WNK3: variants seen among roughly 807,000 people sequenced by gnomAD.
WNK3 encodes the protein serine/threonine-protein kinase WNK3.
Under a neutral mutation model 116.7 loss-of-function variants are expected in WNK3, and 18 were observed. That is an observed-to-expected ratio of 0.15 (90% CI 0.11 to 0.23). The LOEUF is 0.23. Among genes scored for constraint, WNK3 ranks in the 10% least tolerant of loss-of-function variants. The pLI, the probability that WNK3 is intolerant of heterozygous loss-of-function variation, is 1.00. For synonymous variants in WNK3, 404 were observed against 469.4 expected (o/e 0.86, Z 1.80); for missense variants, 993 against 1,323.8 (o/e 0.75, Z 3.88).
At chrX:54,263,006 G>C (rs1224462015) in intron 10 of WNK3, among the ~76,000 whole-genome samples, 1 of 109,823 alleles carries the variant, frequency 9.1e-6, no homozygotes, top group Non-Finnish European at 1.9e-5. Flanking sequence ...ATCAATCTTG[G>C]TTATATTCTT....
chrX:54,297,951 T>C (rs2068716427), intron 7 of WNK3, among the ~76,000 whole-genome samples: 1 of 109,960 alleles, frequency 9.1e-6, no homozygotes, highest in South Asian at 4.0e-4. Context: ...CGGGCTCCTG[T>C]AGTCCCAGCT....
intron 1 of WNK3, among the ~76,000 whole-genome samples, chrX:54,354,592 T>C (rs2069567131): frequency 9.0e-6 from 1 of 111,130 alleles, no homozygotes; most frequent in Admixed American, 9.7e-5. Context: ...GCTTAATAGC[T>C]GGGTGATGGG....
chrX:54,264,358 G>A (rs782026748), intron 10 of WNK3, among the ~76,000 whole-genome samples: 1 of 108,784 alleles, frequency 9.2e-6, no homozygotes, highest in East Asian at 2.9e-4. Context: ...AGACATGGGG[G>A]TGTCAGTGTG....
chrX:54,221,223 A>C (rs1210947619), intron 22 of WNK3, among the ~76,000 whole-genome samples: 1 of 112,370 alleles, frequency 8.9e-6, no homozygotes, highest in Non-Finnish European at 1.9e-5. Flanking sequence ...TTTAGGATGA[A>C]ATAAAAGAAT....
chrX:54,208,190 T>C (rs782062427), intron 22 of WNK3, among the ~76,000 whole-genome samples: 3 of 110,664 alleles, frequency 2.7e-5, no homozygotes, highest in African/African-American at 9.8e-5. Flanking sequence ...AGTGGCGCGA[T>C]CTCAGCTCAC....
chrX:54,344,209 C>T (rs1202074895), intron 1 of WNK3, among the ~76,000 whole-genome samples: 7 of 111,734 alleles, frequency 6.3e-5, no homozygotes, highest in Non-Finnish European at 1.1e-4. Flanking sequence ...TTTGGGAGGC[C>T]GAGGCAGGCG....
chrX:54,281,063 T>G (rs2068510558), intron 10 of WNK3, among the ~76,000 whole-genome samples: 1 of 112,289 alleles, frequency 8.9e-6, no homozygotes, highest in African/African-American at 3.2e-5. Flanking sequence ...ATATTCAAGA[T>G]GTACAATGTG....
intron 23 of WNK3, 122 bp downstream of exon 23, chrX:54,201,867 TAA>T (rs2067503892): frequency 3.5e-6 from 2 of 563,566 alleles, no homozygotes. Flanking sequence ...TAAAAAAGGA[TAA>T]AAGTCTCTAT....
intron 5 of WNK3, among the ~76,000 whole-genome samples, chrX:54,302,459 C>T (rs1370033781): frequency 1.8e-5 from 2 of 108,866 alleles, no homozygotes; most frequent in Non-Finnish European, 3.8e-5. Context: ...CCACCAAGCC[C>T]GGCTAATTTT....
At chrX:54,221,633 G>A (rs1326299999) in intron 22 of WNK3, among the ~76,000 whole-genome samples, 1 of 110,808 alleles carries the variant, frequency 9.0e-6, no homozygotes, top group African/African-American at 3.3e-5. Flanking sequence ...AGGAGTTTGA[G>A]ACCAGTCTGG....
chrX:54,237,011 G>T, exon 20 of WNK3: 1 of 1,211,511 alleles, frequency 8.3e-7, no homozygotes, highest in Non-Finnish European at 1.1e-6. Flanking sequence ...CTGCTCATTG[G>T]GGAAGATGGC....
At chrX:54,358,226 A>G (rs1390886657), upstream of WNK3, among the ~76,000 whole-genome samples, 3 of 111,190 alleles carry the variant, frequency 2.7e-5, no homozygotes, top group Non-Finnish European at 1.9e-5. Flanking sequence ...GGAGAGAGGG[A>G]TGCGCGTCGA....
chrX:54,210,150 G>A (rs2067597486), intron 22 of WNK3, among the ~76,000 whole-genome samples: 1 of 111,720 alleles, frequency 9.0e-6, no homozygotes, highest in African/African-American at 3.3e-5. Context: ...AGCACTATTG[G>A]AGCTAGAAAT....
chrX:54,285,465 C>T (rs1397564101), intron 10 of WNK3, among the ~76,000 whole-genome samples: 1 of 112,265 alleles, frequency 8.9e-6, no homozygotes, highest in East Asian at 2.8e-4. Context: ...AGAAAACTCA[C>T]TGGGAAGGGG....
intron 7 of WNK3, among the ~76,000 whole-genome samples, chrX:54,295,871 G>A (rs945098683): frequency 9.0e-6 from 1 of 110,650 alleles, no homozygotes. Flanking sequence ...ATTTTTTGTA[G>A]AGATGGGGTC....
chrX:54,280,046 C>T (rs1459912622), intron 10 of WNK3, among the ~76,000 whole-genome samples: 1 of 112,239 alleles, frequency 8.9e-6, no homozygotes, highest in Non-Finnish European at 1.9e-5. Flanking sequence ...GCCTGTAAAT[C>T]CCAGCACTTC....
At chrX:54,329,088 C>A (rs923601214) in intron 2 of WNK3, among the ~76,000 whole-genome samples, 13 of 112,050 alleles carry the variant, frequency 1.2e-4, no homozygotes, top group Admixed American at 9.6e-4. Flanking sequence ...TAAAGGAATG[C>A]CTACTGTGTT....
In WNK3 at chrX:54,214,434, T is replaced by G. The variant is rs2067658608; in HGVS notation, c.4871-12241A>C. ...GAAAAGGAAGGAGAAGATGGACTTC[T>G]AAAAATGCAGAATAAGGGCCTGGGT... On this transcript the variant is annotated intron_variant, in intron 22 of 23. Coordinates refer to ENST00000354646, the Ensembl canonical transcript of WNK3. 2.7e-5 allele frequency among the ~76,000 whole-genome samples: 3 copies of G among 111,969 alleles called. No individual in the cohort carries two copies. The South Asian group carries it at 1.1e-3, about 41-fold the overall frequency.
At chrX:54,275,412 CATATGTGTGTGT>C (rs1288276429) in intron 10 of WNK3, among the ~76,000 whole-genome samples, 36 of 44,440 alleles carry the variant, frequency 8.1e-4, no homozygotes, top group African/African-American at 3.2e-3. Context: ...GGTATAAGTT[CATATGTGTGTGT>C]GTGTGTGTGT....
Sources: allele counts gnomAD v4.1 joint callset (sites outside exome capture counted in the v4.1 genomes callset), GRCh38; gene constraint gnomAD v4.1.1; transcripts MANE v1.5; gene names NCBI Gene and HGNC (gene_info 2026-07-23, HGNC 2026-07-21).